The following ARID1B variants were observed in gnomAD, a reference collection of about 807,000 sequenced individuals.
ARID1B encodes AT-rich interaction domain 1B, also known as AT-rich interactive domain-containing protein 1B.
In ARID1B, 30 loss-of-function variants were observed where a neutral mutation model predicts 212.3. That is an observed-to-expected ratio of 0.14 (90% confidence interval 0.11 to 0.19). The LOEUF (loss-of-function observed/expected upper bound fraction) is 0.19, where lower values mean the gene tolerates loss of function less well. Among genes scored for constraint, ARID1B ranks in the 10% least tolerant of loss-of-function variants. The pLI, the probability that ARID1B is intolerant of heterozygous loss-of-function variation, is 1.00. For synonymous variants in ARID1B, 1,402 were observed against 1,301.7 expected, an observed-to-expected ratio of 1.08 and a Z score of -1.66; for missense variants, 2,891 against 3,204.0, an observed-to-expected ratio of 0.90 and a Z score of 2.36.
chr6:156,785,578 T>C (rs1779577848), intron 1 of ARID1B, among the ~76,000 whole-genome samples: 1 of 152,236 alleles, frequency 6.6e-6, no homozygotes, highest in Admixed American at 6.5e-5. Flanking sequence ...ACTTACCATT[T>C]GAACCATTTT....
rs1386157834 is a variant in ARID1B at position 157,023,694 on chromosome 6, G to A, written c.2248-60968G>A. On this transcript the variant is annotated intron_variant, in intron 4 of 19. Coordinates refer to ENST00000636930, the MANE Select transcript of ARID1B (RefSeq NM_001374828.1). ...GTTAACCCAAATAAATATCAACAAG[G>A]CATATCTATTTGGGAGTCACTTATG... The A allele has an allele frequency of 2.0e-5, 3 of 152,144 alleles. No homozygotes were observed. The East Asian group carries it at 5.8e-4, about 29-fold the overall frequency. 9.4% of individuals were successfully genotyped at this position (152,144 alleles called of 1,614,324 possible).
At chr6:157,204,578 GCT>G (rs1376590451) in intron 19 of ARID1B, 1 of 152,202 alleles carries the variant, frequency 6.6e-6, no homozygotes, top group Non-Finnish European at 1.5e-5. Context: ...CTTAGTCTAT[GCT>G]CTCTCATTTC....
chr6:157,095,977 C>T (rs1004989426), intron 5 of ARID1B, among the ~76,000 whole-genome samples: 1 of 152,190 alleles, frequency 6.6e-6, no homozygotes, highest in Admixed American at 6.5e-5. Context: ...TGAGAATTCC[C>T]TGTCTCTATA....
At chr6:156,977,038 A>T (rs1777293412) in intron 4 of ARID1B, 1 of 458,954 alleles carries the variant, frequency 2.2e-6, no homozygotes, top group Non-Finnish European at 4.2e-6. Context: ...AGATGAAAAC[A>T]CACAGCAGGG....
intron 11 of ARID1B, among the ~76,000 whole-genome samples, chr6:157,176,360 G>A (rs535618605): frequency 1.5e-4 from 23 of 152,222 alleles, no homozygotes; most frequent in Admixed American, 8.5e-4. Flanking sequence ...GAAGGCAGCC[G>A]ACATTGTGTT....
At chr6:156,786,522 C>T (rs1779642274) in intron 1 of ARID1B, among the ~76,000 whole-genome samples, 1 of 152,162 alleles carries the variant, frequency 6.6e-6, no homozygotes. Context: ...GGAATTGCTG[C>T]TGATGCTGAT....
intron 1 of ARID1B, among the ~76,000 whole-genome samples, chr6:156,812,367 A>G (rs920470686): frequency 3.9e-5 from 6 of 152,090 alleles, no homozygotes; most frequent in Non-Finnish European, 8.8e-5. Flanking sequence ...TCTACCTTAA[A>G]TGAAGAATTC....
At chr6:157,133,287 T>C (rs1788680249) in intron 7 of ARID1B, 80 bp downstream of exon 7, 1 of 1,398,766 alleles carries the variant, frequency 7.1e-7, no homozygotes, top group Non-Finnish European at 9.5e-7. Context: ...AAGATTTTAA[T>C]ATTGTAAACA....
rs564282331 is a variant in ARID1B, at chr6:157,029,310, A to G, written c.2248-55352A>G. Among the ~76,000 whole-genome samples, 8 of 152,350 alleles carry G rather than the reference A, an allele frequency of 5.3e-5. No homozygotes were observed. In the East Asian group the frequency reaches 1.5e-3, roughly 29 times the overall value. ...GGTAGAGCATATTTTAAACCTTGTT[A>G]TATCCCCACCTGTGTCATAATGAGC... On this transcript the variant is annotated intron_variant, in intron 4 of 19. Coordinates refer to ENST00000636930, the MANE Select transcript of ARID1B (RefSeq NM_001374828.1).
rs145516400 is a variant in ARID1B, at chr6:157,200,828, T to G, written c.4603T>G (p.Ser1535Ala). 324 of 1,613,918 alleles carry G rather than the reference T, an allele frequency of 2.0e-4. No homozygotes were observed. Among genetic ancestry groups the G allele is most frequent in the Non-Finnish European group, 2.6e-4 (301 of 1,180,010 alleles). Reference protein sequence around the residue: ...EMYNQYGGSYSGPDRRPIQGQ... With the variant: ...EMYNQYGGSYAGPDRRPIQGQ... ...GTACAACCAGTATGGAGGCTCCTAC[T>G]CGGGCCCGGACCGCAGGCCCATCCA... The change falls in exon 18 of 20, where the codon TCG becomes GCG. Residue 1535 changes from serine to alanine, a missense_variant. Physicochemically the swap from Ser to Ala is moderately conservative, Grantham distance 99 (BLOSUM62 1). Around this residue, in one of 7 missense-constraint regions of ARID1B, gnomAD observed 666 missense variants for 873.5 expected, o/e 0.76. Coordinates refer to ENST00000636930, the MANE Select transcript of ARID1B (RefSeq NM_001374828.1). This position sits in a 1 kb window ranked among gnomAD's most constrained non-coding sequence, Gnocchi z 4.3.
At chr6:157,019,083 T>G (rs1780073812) in intron 4 of ARID1B, among the ~76,000 whole-genome samples, 1 of 152,202 alleles carries the variant, frequency 6.6e-6, no homozygotes, top group African/African-American at 2.4e-5. Flanking sequence ...GAACAGATTC[T>G]CCAAAGCCCT....
chr6:156,962,385 C>G (rs1020022746), intron 4 of ARID1B, among the ~76,000 whole-genome samples: 16 of 152,182 alleles, frequency 1.1e-4, no homozygotes, highest in African/African-American at 1.9e-4. Context: ...TTCTAAAAAG[C>G]TGTGTTATAA....
chr6:157,056,790 G>A (rs1266205842), intron 4 of ARID1B, among the ~76,000 whole-genome samples: 1 of 151,814 alleles, frequency 6.6e-6, no homozygotes, highest in Non-Finnish European at 1.5e-5. Context: ...AGAAACTTAG[G>A]CAATTGAATT....
At chr6:156,931,082 C>T (rs184651427) in intron 3 of ARID1B, among the ~76,000 whole-genome samples, 5 of 150,602 alleles carry the variant, frequency 3.3e-5, no homozygotes, top group African/African-American at 1.2e-4. Flanking sequence ...CCCAGCTACT[C>T]GGGAGGCTGA....
chr6:156,845,583 T>G (rs1436861268), intron 2 of ARID1B, among the ~76,000 whole-genome samples: 1 of 152,128 alleles, frequency 6.6e-6, no homozygotes, highest in African/African-American at 2.4e-5. Context: ...TTCTAGCATG[T>G]CTGTTGAGAA....
Position 156,778,897 on chromosome 6 carries a change from G to A in ARID1B, c.1217G>A (p.Gly406Glu), listed in dbSNP as rs1387109269. 2.2e-6 allele frequency: 3 copies of A among 1,368,294 alleles called. No homozygotes were observed. The highest frequency in any genetic ancestry group is 3.1e-5 in the East Asian group (1 of 32,176). 84.8% of individuals were successfully genotyped at this position (1,368,294 alleles called of 1,614,324 possible). Residue 406 changes from glycine to glutamate, a missense_variant, in exon 1 of 20, where the codon GGA (glycine) becomes GAA (glutamate). Coordinates refer to ENST00000636930, the MANE Select transcript of ARID1B (RefSeq NM_001374828.1). The stretch of plus-strand genomic sequence containing the variant: ...GGAGGAGGAGGAGGCAGCGGAGGAG[G>A]AGGAGGAGGAGGAGGAGCAGGAGCA... ...GGGGGGGSGG[G>E]GGGGGAGAGG... is the part of the protein sequence containing the mutation.
intron 8 of ARID1B, among the ~76,000 whole-genome samples, chr6:157,155,954 A>G (rs1010159778): frequency 1.1e-4 from 16 of 152,210 alleles, no homozygotes; most frequent in African/African-American, 2.7e-4. Context: ...AGGTGTATCT[A>G]TAATTCATAT....
intron 1 of ARID1B, among the ~76,000 whole-genome samples, chr6:156,783,711 C>T (rs936615882): frequency 2.6e-5 from 4 of 152,100 alleles, no homozygotes; most frequent in Non-Finnish European, 4.4e-5. Context: ...TTTTCTACTC[C>T]GTTTGGAGAC....
At chr6:156,964,335 G>T (rs1794597999) in intron 4 of ARID1B, among the ~76,000 whole-genome samples, 1 of 152,226 alleles carries the variant, frequency 6.6e-6, no homozygotes, top group African/African-American at 2.4e-5. Flanking sequence ...ATCTGTTGCA[G>T]ACACTTTAGA....
Sources: allele counts gnomAD v4.1 joint callset (sites outside exome capture counted in the v4.1 genomes callset), GRCh38; gene constraint gnomAD v4.1.1; regional missense constraint gnomAD v4.1.1; non-coding constraint Gnocchi (gnomAD v3.1); transcripts MANE v1.5; gene names NCBI Gene and HGNC (gene_info 2026-07-23, HGNC 2026-07-21).